Variants in FAM133B observed in about 807,000 individuals in gnomAD.
The protein encoded by FAM133B is protein FAM133B.
FAM133B carries 25 observed loss-of-function variants against 46.4 expected under a neutral mutation model. The observed-to-expected ratio is 0.54, with a 90% confidence interval of 0.39 to 0.75. The LOEUF (loss-of-function observed/expected upper bound fraction) is 0.75, where lower values mean the gene tolerates loss of function less well. Ranked by LOEUF, FAM133B falls within the 30% of genes least tolerant of loss-of-function variation. The probability of loss-of-function intolerance (pLI) is 0.00; values close to 1 mark genes in which losing one functional copy is unlikely to be tolerated. For missense variants in FAM133B, 205 were observed against 277.6 expected (o/e 0.74, Z 1.86); for synonymous variants, 75 against 86.0 (o/e 0.87, Z 0.71).
At chr7:92,581,744 T>TA (rs1794878875) in intron 1 of FAM133B, 141 bp from the exon 2 acceptor site, 3 of 626,616 alleles carry the variant, frequency 4.8e-6, no homozygotes, top group Non-Finnish European at 8.3e-6. Flanking sequence ...CTCTTTATTC[T>TA]AAAAAAATTA....
At chr7:92,572,278 G>A (rs1352767700) in intron 8 of FAM133B, among the ~76,000 whole-genome samples, 1 of 152,196 alleles carries the variant, frequency 6.6e-6, no homozygotes, top group East Asian at 1.9e-4. Flanking sequence ...ATCTCCCTGG[G>A]TTGACAAGTA....
At chr7:92,577,473 T>C (rs940277993) in intron 6 of FAM133B, 182 bp downstream of exon 6, 2 of 466,136 alleles carry the variant, frequency 4.3e-6, no homozygotes, top group Admixed American at 4.0e-5. Context: ...ATCTAAAAAA[T>C]ATATTATATA....
At chr7:92,574,869 C>T (rs892596371) in intron 8 of FAM133B, among the ~76,000 whole-genome samples, 18 of 148,446 alleles carry the variant, frequency 1.2e-4, no homozygotes, top group African/African-American at 4.3e-4. Context: ...TGCGCCACTG[C>T]AGTCCGCAGT....
In FAM133B at chr7:92,577,683, G is replaced by T. The variant is rs760729166; in HGVS notation, c.344C>A (p.Ser115Tyr). 6.3e-7 allele frequency: 1 copy of T among 1,585,168 alleles called. No homozygotes were observed. Among genetic ancestry groups the T allele is most frequent in the Non-Finnish European group, 8.6e-7 (1 of 1,164,584 alleles). Reference protein sequence around the residue: ...SSSSSSSSDSSSSSSDSEDED... With the variant: ...SSSSSSSSDSYSSSSDSEDED... Reference sequence around the variant, plus strand: ...ATCTTCAGAATCAGAAGAACTGCTGGAAGAATCAGAGCTTGATGAAGAAGA... The same window carrying T: ...ATCTTCAGAATCAGAAGAACTGCTGTAAGAATCAGAGCTTGATGAAGAAGA... The change falls in exon 6 of 11, where the codon TCC (serine) becomes TAC (tyrosine). Residue 115 changes from serine to tyrosine, a missense_variant. By Grantham distance (144) the Ser-to-Tyr change is moderately radical (BLOSUM62 -2). Coordinates refer to ENST00000445716, the MANE Select transcript of FAM133B (RefSeq NM_152789.4).
chr7:92,589,040 T>G (rs1795115268), intron 1 of FAM133B, among the ~76,000 whole-genome samples: 1 of 152,208 alleles, frequency 6.6e-6, no homozygotes, highest in South Asian at 2.1e-4. Context: ...AGATGGCAAG[T>G]GTCATCATTT....
At position 92,582,258 on chromosome 7, in the gene FAM133B, A is replaced by AATAACATAACATAAC. The variant is rs199980853; in HGVS notation, c.25-670_25-656dup. ...AGCGACTCCCTCTCAAAATAAAATA[A>AATAACATAACATAAC]ATAACATAACATAACATAACATAAC... On this transcript the variant is annotated intron_variant, in intron 1 of 10. Coordinates refer to ENST00000445716, the MANE Select transcript of FAM133B (RefSeq NM_152789.4). Among the ~76,000 whole-genome samples, 758 of 147,956 alleles carry AATAACATAACATAAC rather than the reference A, an allele frequency of 5.1e-3. 2 individuals are homozygous for AATAACATAACATAAC. Among genetic ancestry groups the AATAACATAACATAAC allele is most frequent in the African/African-American group, 0.01 (398 of 39,290 alleles).
At chr7:92,590,059 G>A (rs1440604486) in intron 1 of FAM133B, 2 of 634,678 alleles carry the variant, frequency 3.2e-6, no homozygotes, top group Non-Finnish European at 5.4e-6. Context: ...GAAGAAAAAA[G>A]GGGCGGGCAA....
chr7:92,565,620 T>A (rs1206163119), intron 10 of FAM133B: 1 of 168,194 alleles, frequency 5.9e-6, no homozygotes, highest in African/African-American at 2.4e-5. Context: ...CCCGCCACCA[T>A]GCCCGGCTAA....
At chr7:92,585,798 A>T (rs1795021570) in intron 1 of FAM133B, among the ~76,000 whole-genome samples, 2 of 152,192 alleles carry the variant, frequency 1.3e-5, no homozygotes, top group South Asian at 4.1e-4. Context: ...TTAAATAATG[A>T]TTACCTTTAT....
intron 1 of FAM133B, among the ~76,000 whole-genome samples, chr7:92,586,776 C>T (rs1795048433): frequency 6.6e-6 from 1 of 152,136 alleles, no homozygotes; most frequent in African/African-American, 2.4e-5. Context: ...ATTTGATTAC[C>T]TATTTTTATC....
rs1794796662 is a variant in FAM133B, at chr7:92,579,343, C to A, written c.175G>T (p.Ala59Ser). ...TCATTCATTTTTTCTTCAAATTCAG[C>A]CAAAGCCTTGGAGCCTTTCTTTTTC... ...EKKKKGSKALAEFEEKMNENW... is the reference protein window; with the variant it reads ...EKKKKGSKALSEFEEKMNENW... The change falls in exon 3 of 11, where the codon GCT (alanine) becomes TCT (serine). Residue 59 changes from alanine (A) to serine (S), a missense_variant. Ala to Ser is a moderately conservative substitution (Grantham distance 99). Coordinates refer to ENST00000445716, the MANE Select transcript of FAM133B (RefSeq NM_152789.4). 6.2e-7 allele frequency: 1 copy of A among 1,609,878 alleles called. No individual in the cohort carries two copies. Among genetic ancestry groups the A allele is most frequent in the Non-Finnish European group, 8.5e-7 (1 of 1,178,924 alleles).
intron 7 of FAM133B, among the ~76,000 whole-genome samples, chr7:92,576,671 T>C (rs193143323): frequency 2.6e-5 from 4 of 152,368 alleles, no homozygotes; most frequent in African/African-American, 9.6e-5. Flanking sequence ...TCTTAACTTT[T>C]TTCTGACCAG....
At position 92,582,804 on chromosome 7, in the gene FAM133B, T is replaced by G. The variant is rs1794928056; in HGVS notation, c.25-1201A>C. ...ACAAAGAGATGCCATTCTATACCCATTAGGATGGCTATTATTAAACAGAAA... is the reference window on the plus strand; with the variant it reads ...ACAAAGAGATGCCATTCTATACCCAGTAGGATGGCTATTATTAAACAGAAA... On this transcript the variant is annotated intron_variant, in intron 1 of 10. Coordinates refer to ENST00000445716, the MANE Select transcript of FAM133B (RefSeq NM_152789.4). 2.0e-5 allele frequency among the ~76,000 whole-genome samples: 3 copies of G among 152,334 alleles called. No homozygotes were observed. The South Asian group carries it at 6.2e-4, about 32-fold the overall frequency.
chr7:92,582,141 C>T (rs556997135), intron 1 of FAM133B, among the ~76,000 whole-genome samples: 4 of 151,986 alleles, frequency 2.6e-5, no homozygotes, highest in African/African-American at 7.3e-5. Context: ...CCTAGCTACT[C>T]GGGAGGTTGA....
rs1585308152 is a variant in FAM133B, at chr7:92,577,252, AT to A, written c.373-58del. On this transcript the variant is annotated intron_variant, in intron 6 of 10. Coordinates refer to ENST00000445716, the MANE Select transcript of FAM133B (RefSeq NM_152789.4). ...TCTGTCTCAAAAATCTAATTTACAC[AT>A]TTATTAATATAAAACTTTTATCAGT... 3.4e-6 allele frequency: 4 copies of A among 1,189,672 alleles called. No individual in the cohort carries two copies. In the East Asian group the frequency reaches 1.1e-4, roughly 33 times the overall value. 73.7% of individuals were successfully genotyped at this position (1,189,672 alleles called of 1,614,324 possible).
rs747580686 is a variant in FAM133B, at chr7:92,577,755, C to A, written c.310-38G>T. 6.7e-6 allele frequency: 10 copies of A among 1,501,430 alleles called. No homozygotes were observed. In the Admixed American group the frequency reaches 1.7e-4, roughly 26 times the overall value. The allele number at this position is 1,501,430 out of a possible 1,614,324, so 93.0% of individuals were successfully genotyped here. A position where few individuals can be genotyped will look rare whatever the true frequency, so the allele number is the denominator to read the frequency against. On this transcript the variant is annotated intron_variant, in intron 5 of 10. Coordinates refer to ENST00000445716, the MANE Select transcript of FAM133B (RefSeq NM_152789.4). ...CAAAACAATTAAAGCTTGTGAGATG[C>A]GAGAATGTTTTTCTTTTACAAAGTC...
At chr7:92,563,563 C>T (rs139403498) in intron 10 of FAM133B, among the ~76,000 whole-genome samples, 193 of 152,266 alleles carry the variant, frequency 1.3e-3, no homozygotes, top group African/African-American at 4.5e-3. Flanking sequence ...CTCTCCCAGT[C>T]ACATGCTTTA....
intron 8 of FAM133B, among the ~76,000 whole-genome samples, chr7:92,572,706 G>A (rs1027567059): frequency 3.3e-5 from 5 of 152,110 alleles, no homozygotes; most frequent in African/African-American, 2.4e-5. Context: ...GCAACAGAGC[G>A]AAACTCCATC....
chr7:92,573,836 G>A (rs1011670674), intron 8 of FAM133B, among the ~76,000 whole-genome samples: 1 of 151,552 alleles, frequency 6.6e-6, no homozygotes, highest in Non-Finnish European at 1.5e-5. Flanking sequence ...CTTGGAATTG[G>A]TCATTACAGT....
Sources: allele counts gnomAD v4.1 joint callset (sites outside exome capture counted in the v4.1 genomes callset), GRCh38; gene constraint gnomAD v4.1.1; transcripts MANE v1.5; gene names NCBI Gene and HGNC (gene_info 2026-07-23, HGNC 2026-07-21).